Variants in NECAB1 observed in about 807,000 individuals in gnomAD.
NECAB1 encodes N-terminal EF-hand calcium-binding protein 1.
In NECAB1, 29 loss-of-function variants were observed where a neutral mutation model predicts 57.5. That is an observed-to-expected ratio of 0.50 (90% confidence interval 0.38 to 0.69). The LOEUF is 0.69. Among genes scored for constraint, NECAB1 ranks in the 30% least tolerant of loss-of-function variants. The pLI is 0.00. For synonymous variants in NECAB1, 142 were observed against 147.7 expected, an observed-to-expected ratio of 0.96 and a Z score of 0.28; for missense variants, 372 against 413.8, an observed-to-expected ratio of 0.90 and a Z score of 0.88.
At chr8:90,843,947 T>C (rs1504789) in intron 3 of NECAB1, among the ~76,000 whole-genome samples, 71,383 of 152,024 alleles carry the variant, frequency 0.47, 20,268 homozygotes, top group East Asian at 0.77. Flanking sequence ...ACCCATGTCT[T>C]CTGAATCCAT....
intron 5 of NECAB1, among the ~76,000 whole-genome samples, chr8:90,889,327 G>A (rs554366021): frequency 6.6e-6 from 1 of 152,142 alleles, no homozygotes. Context: ...CGCCCTCAAG[G>A]TCACACAGCT....
intron 2 of NECAB1, among the ~76,000 whole-genome samples, chr8:90,809,480 A>G (rs1355359127): frequency 1.3e-5 from 2 of 152,234 alleles, no homozygotes; most frequent in African/African-American, 2.4e-5. Context: ...GGCAAAGATG[A>G]TAGAGATAAG....
chr8:90,856,714 C>G (rs1812801756), intron 3 of NECAB1, among the ~76,000 whole-genome samples: 2 of 152,200 alleles, frequency 1.3e-5, no homozygotes. Flanking sequence ...AACTACAGGT[C>G]TATCCAGCAT....
intron 5 of NECAB1, among the ~76,000 whole-genome samples, chr8:90,891,383 G>T (rs1186502575): frequency 2.0e-5 from 3 of 151,984 alleles, no homozygotes; most frequent in Non-Finnish European, 4.4e-5. Flanking sequence ...TCATAATATT[G>T]ATCTTTATTG....
chr8:90,832,260 A>G (rs1464399698), intron 3 of NECAB1, among the ~76,000 whole-genome samples: 7 of 152,164 alleles, frequency 4.6e-5, no homozygotes. Flanking sequence ...AAGGCATTTC[A>G]CTGGCATCAC....
chr8:90,794,130 G>A (rs1811621612), intron 1 of NECAB1, among the ~76,000 whole-genome samples: 2 of 152,120 alleles, frequency 1.3e-5, no homozygotes, highest in Non-Finnish European at 2.9e-5. Flanking sequence ...ATTGGATTTT[G>A]TGTCAAATGG....
intron 5 of NECAB1, among the ~76,000 whole-genome samples, chr8:90,887,421 T>C (rs537898950): frequency 6.6e-6 from 1 of 152,318 alleles, no homozygotes; most frequent in South Asian, 2.1e-4. Flanking sequence ...TTTAAAAAGC[T>C]TGAGTAGCAA....
chr8:90,820,835 A>G lies in NECAB1; in HGVS notation c.125-3882A>G, dbSNP rs188217222. ...AGTAGAAAATGGAAATTAAAAACACATAAATGATCTTCACTTAGCAAGAGT... is the reference window on the plus strand; with the variant it reads ...AGTAGAAAATGGAAATTAAAAACACGTAAATGATCTTCACTTAGCAAGAGT... On this transcript the variant is annotated intron_variant, in intron 2 of 12. Transcript: ENST00000417640. 8.9e-4 allele frequency among the ~76,000 whole-genome samples: 135 copies of G among 152,050 alleles called. 1 individual carries two copies. Among genetic ancestry groups the G allele is most frequent in the South Asian group, 3.3e-3 (16 of 4,822 alleles).
chr8:90,803,044 A>C (rs894346878), intron 2 of NECAB1, among the ~76,000 whole-genome samples: 3 of 151,682 alleles, frequency 2.0e-5, no homozygotes, highest in Non-Finnish European at 2.9e-5. Flanking sequence ...ATACAGGCAC[A>C]CTCCATCACA....
chr8:90,935,934 A>G (rs896018037), intron 9 of NECAB1, among the ~76,000 whole-genome samples: 1 of 152,140 alleles, frequency 6.6e-6, no homozygotes, highest in African/African-American at 2.4e-5. Context: ...GCAGAAAAGG[A>G]TATTCCCTAT....
At chr8:90,873,355 G>T (rs1808654325) in intron 4 of NECAB1, among the ~76,000 whole-genome samples, 1 of 152,212 alleles carries the variant, frequency 6.6e-6, no homozygotes, top group African/African-American at 2.4e-5. Context: ...GACACAGTCA[G>T]ATAGTAGCAT....
intron 2 of NECAB1, among the ~76,000 whole-genome samples, chr8:90,816,827 A>C (rs1812067785): frequency 6.6e-6 from 1 of 151,744 alleles, no homozygotes; most frequent in Admixed American, 6.6e-5. Context: ...TTTTGGAATC[A>C]ATTTTTAAAC....
rs553760732 is a variant in NECAB1, at chr8:90,878,089, T to G, written c.260-2944T>G. ...TCTCGTTCTGTCACCCAGGCTGGAG[T>G]GCAGTGGCACAATTTCGGCTCACTG... On this transcript the variant is annotated intron_variant, in intron 4 of 12. Coordinates refer to ENST00000417640, the MANE Select transcript of NECAB1 (RefSeq NM_022351.5). 4.6e-5 allele frequency among the ~76,000 whole-genome samples: 7 copies of G among 151,730 alleles called. No individual in the cohort carries two copies. The East Asian group carries it at 1.4e-3, about 29-fold the overall frequency.
intron 1 of NECAB1, among the ~76,000 whole-genome samples, chr8:90,794,074 T>G (rs979822560): frequency 2.6e-5 from 4 of 152,168 alleles, no homozygotes; most frequent in Non-Finnish European, 5.9e-5. Flanking sequence ...GGTGTTGACA[T>G]GCTTGTTTGT....
At chr8:90,906,889 A>ATGTATATATATATATATG (rs1370948313) in intron 5 of NECAB1, among the ~76,000 whole-genome samples, 2 of 72,852 alleles carry the variant, frequency 2.7e-5, no homozygotes, top group African/African-American at 1.1e-4. Flanking sequence ...ATATATATAT[A>ATGTATATATATATATATG]TATATATATA....
rs1807739115 is a variant in NECAB1 at position 90,957,888 on chromosome 8, G to A, written c.*2376G>A. On this transcript the variant is annotated 3_prime_UTR_variant, in exon 13 of 13. Transcript: ENST00000417640. ...AAAGAGGTCACTAAAAGACCAAGATGGGAAACGTAACATGGAATACAAGCT... is the reference window on the plus strand; with the variant it reads ...AAAGAGGTCACTAAAAGACCAAGATAGGAAACGTAACATGGAATACAAGCT... 1.3e-5 allele frequency: 2 copies of A among 150,644 alleles called. No homozygotes were observed. Among genetic ancestry groups the A allele is most frequent in the African/African-American group, 4.9e-5 (2 of 41,222 alleles). The allele number at this position is 150,644 out of a possible 1,614,324, so 9.3% of individuals were successfully genotyped here. A position where few individuals can be genotyped will look rare whatever the true frequency, so the allele number is the denominator to read the frequency against.
chr8:90,919,709 C>G lies in NECAB1; in HGVS notation c.494+2081C>G, dbSNP rs535552695. ...GAGGATAACTGAATGTCTTGAAGCA[C>G]AGTGAAATGGATTTCATGTTCCTAA... On this transcript the variant is annotated intron_variant, in intron 6 of 12. Coordinates refer to ENST00000417640, the MANE Select transcript of NECAB1 (RefSeq NM_022351.5). 2.6e-5 allele frequency among the ~76,000 whole-genome samples: 4 copies of G among 152,260 alleles called. No individual in the cohort carries two copies. The South Asian group carries it at 6.2e-4, about 24-fold the overall frequency.
At chr8:90,941,711 G>A (rs558370819) in intron 10 of NECAB1, among the ~76,000 whole-genome samples, 28 of 152,114 alleles carry the variant, frequency 1.8e-4, no homozygotes, top group Non-Finnish European at 2.6e-4. Context: ...ACTCTGCCTC[G>A]GTGATGCACA....
chr8:90,939,231 G>A (rs1016415626), intron 9 of NECAB1, among the ~76,000 whole-genome samples: 3 of 152,198 alleles, frequency 2.0e-5, no homozygotes, highest in Non-Finnish European at 2.9e-5. Context: ...GGCCCCTGCT[G>A]TAGCAGGTCT....
Sources: gnomAD v4.1 joint callset for allele counts (sites outside exome capture counted in the v4.1 genomes callset) on GRCh38, gnomAD v4.1.1 for gene constraint, MANE v1.5 for transcripts, NCBI Gene and HGNC (gene_info 2026-07-23, HGNC 2026-07-21) for gene names.